CEP63: variants seen among roughly 807,000 people sequenced by gnomAD.
CEP63 encodes the protein centrosomal protein of 63 kDa.
In CEP63, 84 loss-of-function variants were observed where a neutral mutation model predicts 89.1. That is an observed-to-expected ratio of 0.94 (90% CI 0.79 to 1.13). The LOEUF (loss-of-function observed/expected upper bound fraction) is 1.13. CEP63 is among the 50% of genes most tolerant of loss of function. CEP63 has a pLI of 0.00. For synonymous variants in CEP63, 267 were observed against 272.5 expected (o/e 0.98, Z 0.20); for missense variants, 838 against 813.3 (o/e 1.03, Z -0.37).
At chr3:134,592,979 A>AT in the CEP63 span, among the ~76,000 whole-genome samples, 1 of 152,074 alleles carries the variant, frequency 6.6e-6, no homozygotes, top group Non-Finnish European at 1.5e-5. Context: ...TTGTCCCATC[A>AT]TATAATAGAC....
the CEP63 span, chr3:134,608,207 A>G: frequency 8.4e-7 from 1 of 1,184,690 alleles, no homozygotes; most frequent in South Asian, 1.6e-5. Flanking sequence ...ACAGCAGGCC[A>G]GTAGCTTCTG....
the CEP63 span, among the ~76,000 whole-genome samples, chr3:134,660,875 A>C: frequency 1.3e-5 from 2 of 152,072 alleles, no homozygotes; most frequent in Admixed American, 1.3e-4. Context: ...GAGACTGGAG[A>C]GTGGGCTAGG....
the CEP63 span, among the ~76,000 whole-genome samples, chr3:134,633,029 C>A: frequency 6.6e-6 from 1 of 151,962 alleles, no homozygotes. Flanking sequence ...GGGCCAATTC[C>A]TTAAAAGTCA....
the CEP63 span, among the ~76,000 whole-genome samples, chr3:134,777,765 C>T: frequency 7.9e-5 from 12 of 151,780 alleles, no homozygotes; most frequent in East Asian, 2.3e-3. Flanking sequence ...AGGTACACGC[C>T]ACTATGCCGG....
chr3:134,536,654 T>C (rs1331938945), intron 5 of CEP63: 2 of 190,074 alleles, frequency 1.1e-5, no homozygotes, highest in African/African-American at 2.4e-5. Flanking sequence ...TATTGTGTTA[T>C]CTGAATCTAC....
chr3:134,781,574 T>TCACTA, the CEP63 span, among the ~76,000 whole-genome samples: 751 of 152,344 alleles, frequency 4.9e-3, 7 homozygotes, highest in African/African-American at 0.017. Flanking sequence ...ACCTGGGTGA[T>TCACTA]GGATCATTTG....
At chr3:134,495,483 G>T (rs906389101) in intron 2 of CEP63, 119 bp downstream of exon 2, 1 of 704,490 alleles carries the variant, frequency 1.4e-6, no homozygotes, top group Non-Finnish European at 2.6e-6. Flanking sequence ...AGGGTATTTA[G>T]TATACCTATC....
the CEP63 span, among the ~76,000 whole-genome samples, chr3:134,673,198 C>T: frequency 6.6e-6 from 1 of 152,290 alleles, no homozygotes; most frequent in East Asian, 1.9e-4. Flanking sequence ...CCATCAAGAA[C>T]CTCGTCCCAG....
downstream of CEP63, among the ~76,000 whole-genome samples, chr3:134,578,336 T>TGTTTGTTTG (rs143434459): frequency 1.6e-4 from 22 of 136,778 alleles, 1 homozygote; most frequent in South Asian, 2.3e-4. Context: ...TTTTTTTTTT[T>TGTTTGTTTG]TTTTTTTTTT....
intron 11 of CEP63, among the ~76,000 whole-genome samples, chr3:134,570,951 A>C (rs1225238242): frequency 6.6e-6 from 1 of 152,210 alleles, no homozygotes; most frequent in Non-Finnish European, 1.5e-5. Context: ...TCCCCTTGTT[A>C]AAAACATCAG....
At chr3:134,507,732 A>T (rs1943830422) in intron 3 of CEP63, among the ~76,000 whole-genome samples, 1 of 152,186 alleles carries the variant, frequency 6.6e-6, no homozygotes, top group African/African-American at 2.4e-5. Context: ...ACAAAACAAA[A>T]CACGTTTACC....
At chr3:134,547,813 T>C (rs1206377523) in intron 9 of CEP63, among the ~76,000 whole-genome samples, 1 of 152,064 alleles carries the variant, frequency 6.6e-6, no homozygotes, top group African/African-American at 2.4e-5. Context: ...TTCACCATGT[T>C]GGCCAGGCTG....
Position 134,561,986 on chromosome 3 carries a change from G to T in CEP63, c.*451G>T, listed in dbSNP as rs1279667201. On this transcript the variant is annotated 3_prime_UTR_variant, in exon 15 of 15. Transcript: ENST00000675561. ...GGTTTTGCCACTTACCAGCCAACGGGGCTTGTTATTTACTGGGCTGGTAGC... is the reference window on the plus strand; with the variant it reads ...GGTTTTGCCACTTACCAGCCAACGGTGCTTGTTATTTACTGGGCTGGTAGC... 3.9e-6 allele frequency: 4 copies of T among 1,016,798 alleles called. No homozygotes were observed. The highest frequency in any genetic ancestry group is 4.7e-6 in the Non-Finnish European group (4 of 849,126). The allele number at this position is 1,016,798 out of a possible 1,614,324, so 63.0% of individuals were successfully genotyped here.
chr3:134,656,391 G>A, the CEP63 span, among the ~76,000 whole-genome samples: 1 of 152,220 alleles, frequency 6.6e-6, no homozygotes, highest in African/African-American at 2.4e-5. Flanking sequence ...AGCACTGAGA[G>A]GAGCAGAAGA....
the CEP63 span, among the ~76,000 whole-genome samples, chr3:134,662,493 T>C: frequency 6.6e-6 from 1 of 152,142 alleles, no homozygotes; most frequent in African/African-American, 2.4e-5. Flanking sequence ...AAAATATGTA[T>C]TGGATGCCCA....
intron 2 of CEP63, 58 bp from the exon 3 acceptor site, chr3:134,507,051 G>C (rs1943634775): frequency 7.5e-7 from 1 of 1,332,982 alleles, no homozygotes; most frequent in African/African-American, 1.5e-5. Flanking sequence ...ACATGAAAAA[G>C]ATGAAAAGCC....
chr3:134,544,963 C>T (rs750713201), intron 6 of CEP63, among the ~76,000 whole-genome samples: 7 of 151,954 alleles, frequency 4.6e-5, no homozygotes, highest in Non-Finnish European at 8.8e-5. Flanking sequence ...TCCTCCCATG[C>T]CACTGTGCTC....
At chr3:134,497,750 A>T (rs1298815850) in intron 2 of CEP63, among the ~76,000 whole-genome samples, 2 of 151,276 alleles carry the variant, frequency 1.3e-5, no homozygotes, top group African/African-American at 4.9e-5. Context: ...TTTTTTTTTT[A>T]ATATGGTGAG....
the CEP63 span, among the ~76,000 whole-genome samples, chr3:134,682,772 A>T: frequency 3.2e-4 from 49 of 152,256 alleles, no homozygotes; most frequent in Admixed American, 7.8e-4. Flanking sequence ...TCACACCACT[A>T]CTCAGAGGAA....
Sources: allele counts gnomAD v4.1 joint callset (sites outside exome capture counted in the v4.1 genomes callset), GRCh38; gene constraint gnomAD v4.1.1; transcripts MANE v1.5; gene names NCBI Gene and HGNC (gene_info 2026-07-23, HGNC 2026-07-21).